The following LPGAT1 variants were observed in gnomAD, a reference collection of about 807,000 sequenced individuals.
LPGAT1 encodes acyl-CoA:lysophosphatidylglycerol acyltransferase 1.
Under a neutral mutation model 47.5 loss-of-function variants are expected in LPGAT1, and 11 were observed. That is an observed-to-expected ratio of 0.23 (90% CI 0.15 to 0.38). The LOEUF (loss-of-function observed/expected upper bound fraction) is 0.38. Among genes scored for constraint, LPGAT1 ranks in the 10% least tolerant of loss-of-function variants. The pLI is 1.00. For missense variants in LPGAT1, 293 were observed against 439.0 expected (o/e 0.67, Z 2.97); for synonymous variants, 138 against 144.2 (o/e 0.96, Z 0.31).
At chr1:211,751,779 G>C (rs1396840181) in intron 6 of LPGAT1, among the ~76,000 whole-genome samples, 1 of 152,058 alleles carries the variant, frequency 6.6e-6, no homozygotes. Context: ...TTTATCAAAG[G>C]TATAAAGGCA....
chr1:211,778,541 T>C (rs1658509955), intron 6 of LPGAT1, among the ~76,000 whole-genome samples: 1 of 152,134 alleles, frequency 6.6e-6, no homozygotes, highest in South Asian at 2.1e-4. Flanking sequence ...CCCTGAATTC[T>C]TTCTTGCTCA....
chr1:211,762,456 A>G (rs1403833612), intron 6 of LPGAT1, among the ~76,000 whole-genome samples: 1 of 152,252 alleles, frequency 6.6e-6, no homozygotes, highest in Non-Finnish European at 1.5e-5. Flanking sequence ...TGCTCCCTCA[A>G]GAGCAATCTA....
intron 2 of LPGAT1, among the ~76,000 whole-genome samples, chr1:211,801,720 A>C (rs1571747410): frequency 1.4e-5 from 2 of 138,830 alleles, no homozygotes; most frequent in Non-Finnish European, 3.1e-5. Context: ...AAAAAAGGGA[A>C]GGGGAGGGGA....
chr1:211,773,886 T>A (rs114717204), intron 6 of LPGAT1, among the ~76,000 whole-genome samples: 2,490 of 152,306 alleles, frequency 0.016, 23 homozygotes, highest in Non-Finnish European at 0.025. Flanking sequence ...GCATTACTTT[T>A]GAAAAAGTTC....
In LPGAT1 at chr1:211,793,084, C is replaced by T; in HGVS notation, c.345G>A (p.Gln115=). Residue 115 remains glutamine, a synonymous_variant, in exon 3 of 8, where the codon CAG becomes CAA. Coordinates refer to ENST00000366997, the MANE Select transcript of LPGAT1 (RefSeq NM_014873.3). ...GDVCTLMMCL[Q]DKGLVVAQMM... ...CAGGGTAGCTTACCAGTCCTTTGTCCTGGAGGCACATCATCAGTGTGCACA... is the reference window on the plus strand; with the variant it reads ...CAGGGTAGCTTACCAGTCCTTTGTCTTGGAGGCACATCATCAGTGTGCACA... 1 of 1,595,372 alleles carries T rather than the reference C, an allele frequency of 6.3e-7. No individual in the cohort carries two copies. Among genetic ancestry groups the T allele is most frequent in the Middle Eastern group, 1.7e-4 (1 of 6,006 alleles).
intron 2 of LPGAT1, among the ~76,000 whole-genome samples, chr1:211,805,006 C>G (rs1429289385): frequency 6.6e-6 from 1 of 151,348 alleles, no homozygotes; most frequent in African/African-American, 2.4e-5. Flanking sequence ...CATAGAGAAA[C>G]TTAAAATTGG....
rs910903551 is a variant in LPGAT1 at position 211,746,824 on chromosome 1, A to G, written c.*3075T>C. ...TTTCTCTGCAATTTAAGTACAGTTC[A>G]CCACCAATAATTGTTTCTGAAGTTA... On this transcript the variant is annotated 3_prime_UTR_variant, in exon 8 of 8. Coordinates refer to ENST00000366997, the MANE Select transcript of LPGAT1 (RefSeq NM_014873.3). 3.3e-5 allele frequency: 5 copies of G among 152,176 alleles called. No homozygotes were observed. Among genetic ancestry groups the G allele is most frequent in the Admixed American group, 3.3e-4 (5 of 15,282 alleles). 9.4% of individuals were successfully genotyped at this position (152,176 alleles called of 1,614,324 possible). A position where few individuals can be genotyped will look rare whatever the true frequency, so the allele number is the denominator to read the frequency against.
chr1:211,829,446 G>A, intron 1 of LPGAT1, 123 bp from the exon 2 acceptor site: 1 of 1,459,286 alleles, frequency 6.9e-7, no homozygotes, highest in Non-Finnish European at 9.0e-7. Flanking sequence ...TCCGGGTGTA[G>A]TACCTCGGTG....
In LPGAT1 at chr1:211,817,249, T is replaced by C. The variant is rs180735712; in HGVS notation, c.238+11810A>G. Among the ~76,000 whole-genome samples, 288 of 152,344 alleles carry C rather than the reference T, an allele frequency of 1.9e-3. 1 individual carries two copies. Among genetic ancestry groups the C allele is most frequent in the Admixed American group, 3.5e-3 (53 of 15,302 alleles). On this transcript the variant is annotated intron_variant, in intron 2 of 7. Coordinates refer to ENST00000366997, the MANE Select transcript of LPGAT1 (RefSeq NM_014873.3). Reference sequence around the variant, plus strand: ...ACTTGTCACAAATGCATTTTGAACATGCAGTTCATAACGAACTCAACTATT... The same window carrying C: ...ACTTGTCACAAATGCATTTTGAACACGCAGTTCATAACGAACTCAACTATT...
intron 6 of LPGAT1, among the ~76,000 whole-genome samples, chr1:211,773,700 C>A (rs971286719): frequency 6.6e-6 from 1 of 152,164 alleles, no homozygotes; most frequent in Non-Finnish European, 1.5e-5. Flanking sequence ...TAATTAAAAT[C>A]TAATCATGTT....
chr1:211,788,679 A>AT lies in LPGAT1; in HGVS notation c.358-953dup, dbSNP rs1471529016. Among the ~76,000 whole-genome samples, 4 of 151,256 alleles carry AT rather than the reference A, an allele frequency of 2.6e-5. No individual in the cohort carries two copies. In the East Asian group the frequency reaches 7.7e-4, roughly 29 times the overall value. The stretch of plus-strand genomic sequence containing the variant: ...CCTGGGTGACAGAGAGAGACTCTTT[A>AT]TTAAAAAAAAAAAAAAAATTAAAAG... On this transcript the variant is annotated intron_variant, in intron 3 of 7. Coordinates refer to ENST00000366997, the MANE Select transcript of LPGAT1 (RefSeq NM_014873.3).
At chr1:211,766,520 C>T (rs887608135) in intron 6 of LPGAT1, among the ~76,000 whole-genome samples, 1 of 152,206 alleles carries the variant, frequency 6.6e-6, no homozygotes, top group Non-Finnish European at 1.5e-5. Flanking sequence ...GTTGGGCAAT[C>T]ATCTAACACA....
intron 3 of LPGAT1, among the ~76,000 whole-genome samples, chr1:211,791,227 A>G (rs1020246399): frequency 3.9e-5 from 6 of 152,140 alleles, no homozygotes; most frequent in African/African-American, 1.2e-4. Flanking sequence ...TTCTGACCCT[A>G]CCCTAACCTA....
chr1:211,771,197 T>G (rs894558542), intron 6 of LPGAT1, among the ~76,000 whole-genome samples: 2 of 152,014 alleles, frequency 1.3e-5, no homozygotes, highest in African/African-American at 4.8e-5. Context: ...TTGCCTACAG[T>G]CTTCACTACA....
intron 2 of LPGAT1, among the ~76,000 whole-genome samples, chr1:211,804,028 G>A (rs143036280): frequency 5.9e-4 from 89 of 151,936 alleles, no homozygotes; most frequent in African/African-American, 2.0e-3. Context: ...CAAAGTGCTG[G>A]GATTACAGGC....
intron 6 of LPGAT1, among the ~76,000 whole-genome samples, chr1:211,775,199 C>T (rs2102524905): frequency 6.6e-6 from 1 of 152,202 alleles, no homozygotes; most frequent in Admixed American, 6.5e-5. Context: ...TGCCTGCAAA[C>T]CCAGCTATTT....
Position 211,743,717 on chromosome 1 carries a change from G to T in LPGAT1, c.*6182C>A, listed in dbSNP as rs1044788. The T allele has an allele frequency of 0.12, 17,663 of 152,134 alleles. 1,250 individuals are homozygous for T. Among genetic ancestry groups the T allele is most frequent in the Non-Finnish European group, 0.15 (10,284 of 67,986 alleles). The allele number at this position is 152,134 out of a possible 1,614,324, so 9.4% of individuals were successfully genotyped here. On this transcript the variant is annotated 3_prime_UTR_variant, in exon 8 of 8. Coordinates refer to ENST00000366997, the MANE Select transcript of LPGAT1 (RefSeq NM_014873.3). ...TCTGAGTGCTTCCAATTTGTTTTCA[G>T]GCCTCTGTCCCCAGTCTGTTCCTTG...
intron 2 of LPGAT1, among the ~76,000 whole-genome samples, chr1:211,825,119 A>G (rs1339919243): frequency 6.6e-6 from 1 of 150,922 alleles, no homozygotes; most frequent in Non-Finnish European, 1.5e-5. Context: ...CTCTCACCCT[A>G]TATAAAAATA....
chr1:211,788,950 A>G (rs1658998005), intron 3 of LPGAT1, among the ~76,000 whole-genome samples: 1 of 152,214 alleles, frequency 6.6e-6, no homozygotes. Flanking sequence ...TAAAAGCATT[A>G]TAAAAGCCCA....
Sources: gnomAD v4.1 joint callset for allele counts (sites outside exome capture counted in the v4.1 genomes callset) on GRCh38, gnomAD v4.1.1 for gene constraint, MANE v1.5 for transcripts, NCBI Gene and HGNC (gene_info 2026-07-23, HGNC 2026-07-21) for gene names.